Variants in ERO1B observed in about 807,000 individuals in gnomAD.
ERO1B encodes endoplasmic reticulum oxidoreductase 1 beta.
Under a neutral mutation model 75.3 loss-of-function variants are expected in ERO1B, and 49 were observed. That is an observed-to-expected ratio of 0.65 (90% CI 0.52 to 0.83). ERO1B has a LOEUF of 0.83. Ranked by LOEUF, ERO1B falls within the 40% of genes least tolerant of loss-of-function variation. The pLI is 0.00. For missense variants in ERO1B, 512 were observed against 560.1 expected, an observed-to-expected ratio of 0.91 and a Z score of 0.87; for synonymous variants, 191 against 192.9, an observed-to-expected ratio of 0.99 and a Z score of 0.08.
At chr1:236,260,216 G>A (rs940445316) in intron 2 of ERO1B, among the ~76,000 whole-genome samples, 2 of 152,086 alleles carry the variant, frequency 1.3e-5, no homozygotes, top group African/African-American at 2.4e-5. Flanking sequence ...TACTAATCAC[G>A]ACTATGTTCC....
At chr1:236,218,630 C>A in intron 15 of ERO1B, 54 bp from the exon 16 acceptor site, 1 of 1,224,164 alleles carries the variant, frequency 8.2e-7, no homozygotes, top group Admixed American at 3.2e-5. Flanking sequence ...CATACTGTTT[C>A]AAATTATTGA....
chr1:236,265,926 A>G (rs1467350682), intron 2 of ERO1B, among the ~76,000 whole-genome samples: 1 of 152,224 alleles, frequency 6.6e-6, no homozygotes. Context: ...ATGTTACATT[A>G]GCATAAATAC....
chr1:236,266,336 G>A (rs1050166205), intron 2 of ERO1B, among the ~76,000 whole-genome samples: 5 of 152,220 alleles, frequency 3.3e-5, no homozygotes, highest in Admixed American at 6.5e-5. Flanking sequence ...GGGCATGGTG[G>A]CTCACGCCTG....
chr1:236,244,710 CA>C (rs1258683905), intron 5 of ERO1B, among the ~76,000 whole-genome samples: 2 of 152,144 alleles, frequency 1.3e-5, no homozygotes, highest in African/African-American at 4.8e-5. Flanking sequence ...ACAGTAAAGC[CA>C]TGCCTAAGCC....
chr1:236,267,349 A>G (rs896001363), intron 2 of ERO1B, among the ~76,000 whole-genome samples: 2 of 152,240 alleles, frequency 1.3e-5, no homozygotes, highest in Non-Finnish European at 2.9e-5. Flanking sequence ...CCTACCTGGA[A>G]TACCTAAACT....
chr1:236,225,244 T>C (rs1664251673), intron 12 of ERO1B, 105 bp from the exon 13 acceptor site: 1 of 1,043,744 alleles, frequency 9.6e-7, no homozygotes, highest in Non-Finnish European at 1.4e-6. Context: ...TAAAATTCAT[T>C]ATTTACTCCG....
At chr1:236,218,707 C>T in intron 15 of ERO1B, 131 bp from the exon 16 acceptor site, 1 of 794,160 alleles carries the variant, frequency 1.3e-6, no homozygotes, top group Non-Finnish European at 1.6e-6. Flanking sequence ...CTGAAGCTTC[C>T]ATGTTTAAAT....
rs372101125 is a variant in ERO1B, at chr1:236,235,778, G to C, written c.673+11C>G. The C allele has an allele frequency of 6.5e-5, 105 of 1,605,546 alleles. 2 individuals are homozygous for C. The highest frequency in any genetic ancestry group is 7.5e-5 in the Non-Finnish European group (88 of 1,177,102). ...ATGAAAAGCATGAAAATGTACATATGAAAAACCTACCTCGGCTAGGCGCCA... is the reference window on the plus strand; with the variant it reads ...ATGAAAAGCATGAAAATGTACATATCAAAAACCTACCTCGGCTAGGCGCCA... On this transcript the variant is annotated intron_variant, in intron 8 of 15. Coordinates refer to ENST00000354619, the MANE Select transcript of ERO1B (RefSeq NM_019891.4).
chr1:236,226,819 G>T, intron 10 of ERO1B, 80 bp from the exon 11 acceptor site: 2 of 970,328 alleles, frequency 2.1e-6, no homozygotes, highest in Non-Finnish European at 3.2e-6. Flanking sequence ...CAGTATGTAG[G>T]CTTATTTTTG....
chr1:236,229,821 G>A (rs999862259), intron 10 of ERO1B, among the ~76,000 whole-genome samples: 32 of 152,136 alleles, frequency 2.1e-4, no homozygotes, highest in African/African-American at 7.2e-4. Flanking sequence ...AATATGTTTC[G>A]AATCTTTTGA....
In ERO1B at chr1:236,218,574, A is replaced by C; in HGVS notation, c.1346T>G (p.Leu449Arg). 1 of 1,361,302 alleles carries C rather than the reference A, an allele frequency of 7.3e-7. No homozygotes were observed. Among genetic ancestry groups the C allele is most frequent in the Non-Finnish European group, 9.6e-7 (1 of 1,041,162 alleles). 84.3% of individuals were successfully genotyped at this position (1,361,302 alleles called of 1,614,324 possible). A position where few individuals can be genotyped will look rare whatever the true frequency, so the allele number is the denominator to read the frequency against. ...CTGTAAGTCTCTTATACTTGTAGAA[A>C]GCCTATGGAAGAAAGAAAAAGCTTA... ...IVALLNAFGR[L>R]STSIRDLQNF... The change falls in exon 16 of 16, where the codon CTT becomes CGT. Residue 449 changes from leucine to arginine, a missense_variant and splice_region_variant. Physicochemically the swap from Leu to Arg is moderately radical, Grantham distance 102. Coordinates refer to ENST00000354619, the MANE Select transcript of ERO1B (RefSeq NM_019891.4).
Position 236,230,729 on chromosome 1 carries a change from ATAATT to A in ERO1B, c.686-484_686-480del, listed in dbSNP as rs1366982675. Among the ~76,000 whole-genome samples the A allele has an allele frequency of 9.2e-5, 14 of 152,110 alleles. No homozygotes were observed. The East Asian group carries it at 2.7e-3, about 29-fold the overall frequency. On this transcript the variant is annotated intron_variant, in intron 9 of 15. Transcript: ENST00000354619. Reference sequence around the variant, plus strand: ...TGGTTCTAGGAAATAAAACCTACAAATAATTTAAGTAACTTTAAGAGAGTGTTTTT... The same window carrying A: ...TGGTTCTAGGAAATAAAACCTACAAATAAGTAACTTTAAGAGAGTGTTTTT...
chr1:236,268,165 C>T (rs1665494571), intron 2 of ERO1B, among the ~76,000 whole-genome samples: 2 of 152,134 alleles, frequency 1.3e-5, no homozygotes, highest in African/African-American at 2.4e-5. Flanking sequence ...AGATGTGTTC[C>T]CAAATCTTTA....
intron 2 of ERO1B, among the ~76,000 whole-genome samples, chr1:236,258,148 G>C (rs115973763): frequency 0.044 from 61 of 1,396 alleles, 3 homozygotes; most frequent in East Asian, 0.36. Flanking sequence ...GAAAAACAAA[G>C]CAAAAAAAAA....
At chr1:236,266,567 GCACTCCAGC>G (rs1217215816) in intron 2 of ERO1B, among the ~76,000 whole-genome samples, 5 of 151,368 alleles carry the variant, frequency 3.3e-5, no homozygotes, top group Non-Finnish European at 1.5e-5. Flanking sequence ...TCGTACCACT[GCACTCCAGC>G]CTGGGCAACA....
chr1:236,235,738 G>A, intron 8 of ERO1B, 51 bp downstream of exon 8: 4 of 1,454,990 alleles, frequency 2.7e-6, no homozygotes, highest in African/African-American at 1.4e-5. Context: ...TAGTTATAAA[G>A]ACATTTTATA....
chr1:236,231,783 AAATT>A (rs1664415297), intron 9 of ERO1B, among the ~76,000 whole-genome samples: 1 of 152,186 alleles, frequency 6.6e-6, no homozygotes, highest in Non-Finnish European at 1.5e-5. Context: ...AACGTCTAAC[AAATT>A]AATTCATTCA....
Position 236,221,140 on chromosome 1 carries a change from C to T in ERO1B, c.1210-175G>A, listed in dbSNP as rs16833493. 5.0e-3 allele frequency among the ~76,000 whole-genome samples: 756 copies of T among 152,264 alleles called. 11 individuals are homozygous for T. The highest frequency in any genetic ancestry group is 0.016 in the African/African-American group (664 of 41,572). On this transcript the variant is annotated intron_variant, in intron 14 of 15. Coordinates refer to ENST00000354619, the MANE Select transcript of ERO1B (RefSeq NM_019891.4). ...TCACAGGTTATGCATATAATAAACA[C>T]ATCTGAGCAGTTAAGGAAACCTGAA... is the stretch of plus-strand genomic sequence containing the variant.
intron 1 of ERO1B, chr1:236,281,410 A>C: frequency 3.1e-6 from 1 of 317,784 alleles, no homozygotes; most frequent in Non-Finnish European, 5.7e-6. Context: ...TCCGAGAGGA[A>C]AAAACGAAAA....
Sources: gnomAD v4.1 joint callset for allele counts (sites outside exome capture counted in the v4.1 genomes callset) on GRCh38, gnomAD v4.1.1 for gene constraint, MANE v1.5 for transcripts, NCBI Gene and HGNC (gene_info 2026-07-23, HGNC 2026-07-21) for gene names.